Variants in B3GAT2 observed in about 807,000 individuals in gnomAD.
The protein encoded by B3GAT2 is galactosylgalactosylxylosylprotein 3-beta-glucuronosyltransferase 2.
Under a neutral mutation model 27.8 loss-of-function variants are expected in B3GAT2, and 26 were observed. The ratio of observed to expected loss-of-function variants is 0.93; its 90% confidence interval spans 0.68 to 1.30. The LOEUF is 1.30. Ranked by LOEUF, B3GAT2 falls within the 50% of genes most tolerant of loss-of-function variation. B3GAT2 has a pLI of 0.00. For synonymous variants in B3GAT2, 218 were observed against 195.1 expected (o/e 1.12, Z -0.98); for missense variants, 458 against 459.0 (o/e 1.00, Z 0.02).
At chr6:70,904,246 G>A (rs1029775600) in intron 1 of B3GAT2, among the ~76,000 whole-genome samples, 3 of 152,146 alleles carry the variant, frequency 2.0e-5, no homozygotes, top group Non-Finnish European at 4.4e-5. Context: ...ACTGCAAAAG[G>A]TCATAGGTGA....
chr6:70,925,783 T>A (rs897472553), intron 1 of B3GAT2, among the ~76,000 whole-genome samples: 1 of 152,218 alleles, frequency 6.6e-6, no homozygotes, highest in African/African-American at 2.4e-5. Flanking sequence ...TCTGACAGCT[T>A]TGAAGAGAGC....
chr6:70,875,297 C>T (rs184310539), intron 2 of B3GAT2, among the ~76,000 whole-genome samples: 2 of 152,238 alleles, frequency 1.3e-5, no homozygotes, highest in Non-Finnish European at 2.9e-5. Context: ...TGGCCCTGTA[C>T]TTTCCAGCCC....
intron 1 of B3GAT2, among the ~76,000 whole-genome samples, chr6:70,947,968 A>G (rs1765519519): frequency 6.6e-6 from 1 of 152,006 alleles, no homozygotes; most frequent in South Asian, 2.1e-4. Flanking sequence ...AAACAGAACC[A>G]AAGACAAAAA....
intron 2 of B3GAT2, among the ~76,000 whole-genome samples, chr6:70,870,290 G>A (rs1771912713): frequency 6.7e-6 from 1 of 149,370 alleles, no homozygotes; most frequent in African/African-American, 2.5e-5. Context: ...CTATCGCAAG[G>A]ACAAAGAACC....
At chr6:70,937,758 T>G (rs1018996667) in intron 1 of B3GAT2, among the ~76,000 whole-genome samples, 1 of 152,062 alleles carries the variant, frequency 6.6e-6, no homozygotes, top group Non-Finnish European at 1.5e-5. Flanking sequence ...TATCTCAAAA[T>G]AATAAGAGCT....
chr6:70,909,903 T>C (rs759069458), intron 1 of B3GAT2, among the ~76,000 whole-genome samples: 4 of 152,174 alleles, frequency 2.6e-5, no homozygotes, highest in Admixed American at 2.0e-4. Context: ...AGACGGAGTC[T>C]TGCTTTGTTG....
Position 70,861,829 on chromosome 6 carries a change from C to T in B3GAT2, c.885+1G>A. On this transcript the variant is annotated splice_donor_variant, in intron 3 of 3. Coordinates refer to ENST00000230053, the MANE Select transcript of B3GAT2 (RefSeq NM_080742.3). LOFTEE classifies it high-confidence loss of function. ...TCGGGCAGCACAAGTGTAATGAATACCTTAGTGCAGTTATTTGCTTTCGGT... is the reference window on the plus strand; with the variant it reads ...TCGGGCAGCACAAGTGTAATGAATATCTTAGTGCAGTTATTTGCTTTCGGT... 6.2e-7 allele frequency: 1 copy of T among 1,614,022 alleles called. No homozygotes were observed. Among genetic ancestry groups the T allele is most frequent in the Non-Finnish European group, 8.5e-7 (1 of 1,179,960 alleles).
At chr6:70,918,148 A>G (rs187880884) in intron 1 of B3GAT2, among the ~76,000 whole-genome samples, 141 of 152,186 alleles carry the variant, frequency 9.3e-4, no homozygotes, top group African/African-American at 3.3e-3. Context: ...TCCCTTTACC[A>G]TTATGTTAAC....
At position 70,861,548 on chromosome 6, in the gene B3GAT2, G is replaced by C. The variant is rs1471756798; in HGVS notation, c.*115C>G. On this transcript the variant is annotated 3_prime_UTR_variant, in exon 4 of 4. Transcript: ENST00000230053. ...AGATGTCCATCAGATGACAAGAAAG[G>C]CTGCTGTACTGAAGTAAAACAAACA... 18 of 859,424 alleles carry C rather than the reference G, an allele frequency of 2.1e-5. No individual in the cohort carries two copies. Among genetic ancestry groups the C allele is most frequent in the Non-Finnish European group, 3.3e-5 (18 of 545,628 alleles). 53.2% of individuals were successfully genotyped at this position (859,424 alleles called of 1,614,324 possible).
intron 1 of B3GAT2, among the ~76,000 whole-genome samples, chr6:70,911,789 TGTTTTCTC>T (rs1338769438): frequency 6.6e-6 from 1 of 152,194 alleles, no homozygotes; most frequent in African/African-American, 2.4e-5. Context: ...ATGGAATGAA[TGTTTTCTC>T]GTTTGTTTGT....
intron 1 of B3GAT2, among the ~76,000 whole-genome samples, chr6:70,898,392 C>G (rs1412912068): frequency 6.6e-6 from 1 of 152,058 alleles, no homozygotes; most frequent in African/African-American, 2.4e-5. Flanking sequence ...ATATAGTCCC[C>G]CCCACCTCCC....
chr6:70,933,681 C>T (rs1029962448), intron 1 of B3GAT2, among the ~76,000 whole-genome samples: 13 of 152,172 alleles, frequency 8.5e-5, no homozygotes, highest in Non-Finnish European at 1.3e-4. Context: ...TAAAACAACA[C>T]GTCCATATAT....
chr6:70,944,708 GA>G (rs1210186560), intron 1 of B3GAT2, among the ~76,000 whole-genome samples: 11 of 152,192 alleles, frequency 7.2e-5, no homozygotes, highest in African/African-American at 2.4e-4. Flanking sequence ...TGACAGCTTT[GA>G]AAAGAGCAGT....
chr6:70,904,336 T>C (rs1370356209), intron 1 of B3GAT2, among the ~76,000 whole-genome samples: 1 of 152,140 alleles, frequency 6.6e-6, no homozygotes, highest in East Asian at 1.9e-4. Flanking sequence ...TTCGTTTAGG[T>C]AAACTATACC....
intron 1 of B3GAT2, among the ~76,000 whole-genome samples, chr6:70,936,787 C>T (rs940800298): frequency 6.6e-6 from 1 of 151,752 alleles, no homozygotes; most frequent in Non-Finnish European, 1.5e-5. Flanking sequence ...ACTAAATGCC[C>T]ACAAGAGAAA....
At chr6:70,933,876 T>C (rs892538384) in intron 1 of B3GAT2, among the ~76,000 whole-genome samples, 24 of 152,214 alleles carry the variant, frequency 1.6e-4, no homozygotes, top group Admixed American at 1.6e-3. Context: ...GAAGTTACTC[T>C]GTTTACCCAC....
intron 1 of B3GAT2, among the ~76,000 whole-genome samples, chr6:70,900,700 G>C (rs1243150365): frequency 6.6e-6 from 1 of 152,178 alleles, no homozygotes; most frequent in Non-Finnish European, 1.5e-5. Flanking sequence ...CCAGGGACTG[G>C]AACACTCAGA....
At chr6:70,897,670 A>T (rs201693141) in intron 1 of B3GAT2, among the ~76,000 whole-genome samples, 5,896 of 92,222 alleles carry the variant, frequency 0.064, 145 homozygotes, top group African/African-American at 0.13. Flanking sequence ...AAAAAAAAAA[A>T]ATATATATAT....
chr6:70,873,061 G>C (rs1339315645), intron 2 of B3GAT2, among the ~76,000 whole-genome samples: 1 of 152,038 alleles, frequency 6.6e-6, no homozygotes, highest in African/African-American at 2.4e-5. Context: ...ACTGGTTTAT[G>C]TAGCTGTTTT....
Sources: gnomAD v4.1 joint callset for allele counts (sites outside exome capture counted in the v4.1 genomes callset) on GRCh38, gnomAD v4.1.1 for gene constraint, MANE v1.5 for transcripts, NCBI Gene and HGNC (gene_info 2026-07-23, HGNC 2026-07-21) for gene names.